Variants in ARFGEF3 observed in about 807,000 individuals in gnomAD.
ARFGEF3 encodes ARFGEF family member 3, also known as brefeldin A-inhibited guanine nucleotide-exchange protein 3.
Under a neutral mutation model 221.7 loss-of-function variants are expected in ARFGEF3, and 96 were observed. The ratio of observed to expected loss-of-function variants is 0.43; its 90% CI spans 0.37 to 0.51. The LOEUF is 0.51. Among genes scored for constraint, ARFGEF3 ranks in the 20% least tolerant of loss-of-function variants. ARFGEF3 has a pLI of 0.00. For synonymous variants in ARFGEF3, 1,145 were observed against 1,126.8 expected, an observed-to-expected ratio of 1.02 and a Z score of -0.32; for missense variants, 2,410 against 2,789.9, an observed-to-expected ratio of 0.86 and a Z score of 3.07.
At chr6:138,305,479 T>C (rs1052108128) in intron 22 of ARFGEF3, among the ~76,000 whole-genome samples, 7 of 151,676 alleles carry the variant, frequency 4.6e-5, no homozygotes, top group African/African-American at 1.2e-4. Context: ...GGTGTGGTGA[T>C]GCATGCCTGT....
chr6:138,314,514 G>A (rs1779885342), intron 26 of ARFGEF3, among the ~76,000 whole-genome samples: 1 of 152,130 alleles, frequency 6.6e-6, no homozygotes, highest in African/African-American at 2.4e-5. Flanking sequence ...ACTTGTTTCA[G>A]CACCAACTCA....
intron 27 of ARFGEF3, among the ~76,000 whole-genome samples, chr6:138,317,902 C>T (rs1183043463): frequency 6.6e-6 from 1 of 152,102 alleles, no homozygotes; most frequent in Non-Finnish European, 1.5e-5. Context: ...AGTACAAGGA[C>T]CCTGAGAGTA....
chr6:138,186,604 A>T (rs1211156037), intron 2 of ARFGEF3, among the ~76,000 whole-genome samples: 1 of 152,204 alleles, frequency 6.6e-6, no homozygotes, highest in African/African-American at 2.4e-5. Flanking sequence ...GTCCTGATCT[A>T]CTACTTGGAG....
rs890108696 is a variant in ARFGEF3, at chr6:138,213,393, T to C, written c.351+3352T>C. Among the ~76,000 whole-genome samples the C allele has an allele frequency of 4.6e-5, 7 of 151,350 alleles. No homozygotes were observed. The South Asian group carries it at 1.0e-3, about 23-fold the overall frequency. On this transcript the variant is annotated intron_variant, in intron 4 of 33. Coordinates refer to ENST00000251691, the MANE Select transcript of ARFGEF3 (RefSeq NM_020340.5). ...AAATTGCTTGAACCTAGGAGGCAGA[T>C]GTTGCCGTGAGCCGAGATCGTACCA...
chr6:138,264,308 G>A lies in ARFGEF3; in HGVS notation c.2128+697G>A, dbSNP rs115006708. 6.8e-3 allele frequency among the ~76,000 whole-genome samples: 1,038 copies of A among 152,282 alleles called. 12 individuals carry two copies. Among genetic ancestry groups the A allele is most frequent in the African/African-American group, 0.023 (968 of 41,526 alleles). On this transcript the variant is annotated intron_variant, in intron 12 of 33. Coordinates refer to ENST00000251691, the MANE Select transcript of ARFGEF3 (RefSeq NM_020340.5). ...CAGGGAAGTAGTAGCATTTCACATA[G>A]TAAATAATTATTTTTAAGATAGTGT...
In ARFGEF3 at chr6:138,298,587, T is replaced by G; in HGVS notation, c.3649-19T>G. On this transcript the variant is annotated intron_variant, in intron 21 of 33. Coordinates refer to ENST00000251691, the MANE Select transcript of ARFGEF3 (RefSeq NM_020340.5). The stretch of plus-strand genomic sequence containing the variant: ...GTCTGCTGTCCTGATGGTGAGCCAC[T>G]CTCTCGTGAATTTTGCAGGCTGCTT... 6.2e-7 allele frequency: 1 copy of G among 1,605,130 alleles called. No homozygotes were observed. The highest frequency in any genetic ancestry group is 8.5e-7 in the Non-Finnish European group (1 of 1,175,080).
chr6:138,206,844 G>A (rs1406098291), intron 2 of ARFGEF3, among the ~76,000 whole-genome samples, 198 bp from the exon 3 acceptor site: 1 of 152,226 alleles, frequency 6.6e-6, no homozygotes, highest in Non-Finnish European at 1.5e-5. Context: ...TACCAAGAAG[G>A]CAAGGGGTTG....
intron 2 of ARFGEF3, among the ~76,000 whole-genome samples, chr6:138,185,079 A>G (rs1777156062): frequency 6.6e-6 from 1 of 152,174 alleles, no homozygotes; most frequent in Admixed American, 6.5e-5. Flanking sequence ...TGCTCTTATT[A>G]TCAGCCCTGT....
chr6:138,226,953 T>G (rs1778095714), intron 4 of ARFGEF3, among the ~76,000 whole-genome samples: 1 of 152,178 alleles, frequency 6.6e-6, no homozygotes, highest in Non-Finnish European at 1.5e-5. Flanking sequence ...GTGCTTTTCA[T>G]GCAACAAACT....
At chr6:138,216,664 A>G (rs1777869069) in intron 4 of ARFGEF3, 1 of 152,208 alleles carries the variant, frequency 6.6e-6, no homozygotes, top group Non-Finnish European at 1.5e-5. Context: ...GAAATGGCTA[A>G]TTTGTCTTGC....
At position 138,192,911 on chromosome 6, in the gene ARFGEF3, AT is replaced by A. The variant is rs371269570; in HGVS notation, c.138-14121del. Among the ~76,000 whole-genome samples, 760 of 150,102 alleles carry A rather than the reference AT, an allele frequency of 5.1e-3. 9 individuals carry two copies. Among genetic ancestry groups the A allele is most frequent in the African/African-American group, 0.017 (695 of 40,930 alleles). On this transcript the variant is annotated intron_variant, in intron 2 of 33. Transcript: ENST00000251691. ...GACCAAGAGTAGTTTGACTCCAAAC[AT>A]TTTTTTTTTATGATAGTCTGTTTTC...
intron 10 of ARFGEF3, among the ~76,000 whole-genome samples, chr6:138,260,513 T>C (rs1778771274): frequency 6.6e-6 from 1 of 152,186 alleles, no homozygotes; most frequent in East Asian, 1.9e-4. Context: ...AGTCTACATA[T>C]GAAAACTTGT....
At chr6:138,222,771 T>C (rs964298211) in intron 4 of ARFGEF3, among the ~76,000 whole-genome samples, 1 of 152,214 alleles carries the variant, frequency 6.6e-6, no homozygotes, top group Admixed American at 6.5e-5. Flanking sequence ...TTTGGTTGCA[T>C]GGACAAATTG....
chr6:138,163,921 G>A (rs1348591650), intron 1 of ARFGEF3, among the ~76,000 whole-genome samples: 1 of 152,204 alleles, frequency 6.6e-6, no homozygotes, highest in African/African-American at 2.4e-5. Context: ...TCCATGGATT[G>A]GGGGAGAATT....
intron 25 of ARFGEF3, among the ~76,000 whole-genome samples, chr6:138,313,008 C>A (rs182458027): frequency 2.0e-5 from 3 of 152,272 alleles, no homozygotes; most frequent in Admixed American, 1.3e-4. Flanking sequence ...CCAGGCCCAG[C>A]CTTCACTATT....
At chr6:138,325,094 T>G (rs989386688) in intron 31 of ARFGEF3, among the ~76,000 whole-genome samples, 5 of 152,250 alleles carry the variant, frequency 3.3e-5, no homozygotes, top group African/African-American at 1.2e-4. Context: ...CATATGCCTA[T>G]GTATGTGTAT....
rs1475958233 is a variant in ARFGEF3 at position 138,285,972 on chromosome 6, A to G, written c.2488A>G (p.Ile830Val). The change falls in exon 15 of 34, where the codon ATT becomes GTT. Residue 830 changes from isoleucine to valine, a missense_variant. This residue lies in a region of ARFGEF3 where 594 missense variants were observed against 734.3 expected (regional missense o/e 0.81). Coordinates refer to ENST00000251691, the MANE Select transcript of ARFGEF3 (RefSeq NM_020340.5). Reference sequence around the variant, plus strand: ...TATTGACGGCTTAGAGAGCAGTGCCATTGGTGGCCAGCTGATGGCCTCGGC... The same window carrying G: ...TATTGACGGCTTAGAGAGCAGTGCCGTTGGTGGCCAGCTGATGGCCTCGGC... The part of the protein sequence containing the change: ...TDIDGLESSA[I>V]GGQLMASAAT... The G allele has an allele frequency of 6.2e-7, 1 of 1,611,852 alleles. No individual in the cohort carries two copies. Among genetic ancestry groups the G allele is most frequent in the South Asian group, 1.1e-5 (1 of 91,072 alleles).
At chr6:138,332,100 A>T (rs1230545144) in intron 32 of ARFGEF3, among the ~76,000 whole-genome samples, 1 of 152,186 alleles carries the variant, frequency 6.6e-6, no homozygotes, top group Non-Finnish European at 1.5e-5. Flanking sequence ...TCCATTTCTC[A>T]GGGAAGGTAA....
chr6:138,207,230 G>C, intron 3 of ARFGEF3, 107 bp downstream of exon 3: 1 of 793,652 alleles, frequency 1.3e-6, no homozygotes, highest in Non-Finnish European at 2.1e-6. Flanking sequence ...AAAGACTCAG[G>C]CAGAAATTTG....
Sources: allele counts gnomAD v4.1 joint callset (sites outside exome capture counted in the v4.1 genomes callset), GRCh38; gene constraint gnomAD v4.1.1; regional missense constraint gnomAD v4.1.1; transcripts MANE v1.5; gene names NCBI Gene and HGNC (gene_info 2026-07-23, HGNC 2026-07-21).